The following CNTNAP2 variants were observed in gnomAD, a reference collection of about 807,000 sequenced individuals.
CNTNAP2 encodes the protein contactin associated protein 2.
In CNTNAP2, 98 loss-of-function variants were observed where a neutral mutation model predicts 155.2. That is an observed-to-expected ratio of 0.63 (90% CI 0.54 to 0.75). The LOEUF is 0.75. Among genes scored for constraint, CNTNAP2 ranks in the 30% least tolerant of loss-of-function variants. The pLI is 0.00. For missense variants in CNTNAP2, 1,727 were observed against 1,688.1 expected (o/e 1.02, Z -0.40); for synonymous variants, 651 against 631.2 (o/e 1.03, Z -0.47).
chr7:146,632,000 T>C (rs1051695769), intron 1 of CNTNAP2, among the ~76,000 whole-genome samples: 19 of 152,196 alleles, frequency 1.2e-4, no homozygotes, highest in Admixed American at 5.9e-4. Context: ...CAACCATTCA[T>C]ATGATGTAAT....
intron 13 of CNTNAP2, among the ~76,000 whole-genome samples, chr7:147,685,911 G>A (rs1382492415): frequency 1.3e-5 from 2 of 151,930 alleles, no homozygotes; most frequent in Non-Finnish European, 2.9e-5. Flanking sequence ...GGAAGAGCAC[G>A]GAGGACCATG....
At chr7:147,178,499 A>T (rs1326406754) in intron 8 of CNTNAP2, among the ~76,000 whole-genome samples, 7 of 152,176 alleles carry the variant, frequency 4.6e-5, no homozygotes, top group Admixed American at 4.6e-4. Flanking sequence ...AAGATAATGA[A>T]TGTGTGTTGT....
intron 14 of CNTNAP2, among the ~76,000 whole-genome samples, chr7:147,927,553 G>A (rs1345727067): frequency 6.6e-6 from 1 of 152,088 alleles, no homozygotes; most frequent in Admixed American, 6.5e-5. Context: ...AGAATTGGTA[G>A]GCATAGGCTA....
At chr7:146,208,970 A>AG (rs1412224139) in intron 1 of CNTNAP2, among the ~76,000 whole-genome samples, 1 of 151,938 alleles carries the variant, frequency 6.6e-6, no homozygotes, top group Non-Finnish European at 1.5e-5. Flanking sequence ...TAAAAAAAAA[A>AG]GTAACCTATA....
At chr7:146,484,880 T>A (rs973846938) in intron 1 of CNTNAP2, among the ~76,000 whole-genome samples, 18 of 152,322 alleles carry the variant, frequency 1.2e-4, no homozygotes, top group East Asian at 3.9e-4. Flanking sequence ...GTATAGTTTT[T>A]AAAATATAGT....
At chr7:148,027,874 T>C (rs1033938015) in intron 15 of CNTNAP2, among the ~76,000 whole-genome samples, 1 of 152,188 alleles carries the variant, frequency 6.6e-6, no homozygotes, top group Non-Finnish European at 1.5e-5. Flanking sequence ...TCTCAATTTC[T>C]GAAACTCTTG....
chr7:147,111,803 G>A (rs1056414434), intron 5 of CNTNAP2, among the ~76,000 whole-genome samples: 1 of 152,120 alleles, frequency 6.6e-6, no homozygotes, highest in African/African-American at 2.4e-5. Flanking sequence ...GTAGTGTGAT[G>A]CCTCCAGCTT....
intron 9 of CNTNAP2, among the ~76,000 whole-genome samples, chr7:147,330,492 C>A (rs1344391487): frequency 6.6e-6 from 1 of 152,082 alleles, no homozygotes; most frequent in African/African-American, 2.4e-5. Flanking sequence ...TGGTCTGAAG[C>A]ATTGATGGGT....
At chr7:146,222,522 T>G (rs1211757960) in intron 1 of CNTNAP2, among the ~76,000 whole-genome samples, 1 of 149,670 alleles carries the variant, frequency 6.7e-6, no homozygotes, top group Non-Finnish European at 1.5e-5. Flanking sequence ...ATTCAGTTAG[T>G]TTGGTATGAC....
chr7:147,293,324 A>G (rs2116753489), intron 8 of CNTNAP2, among the ~76,000 whole-genome samples: 1 of 152,310 alleles, frequency 6.6e-6, no homozygotes, highest in East Asian at 1.9e-4. Flanking sequence ...AATGTGGTTT[A>G]GATTGGCATG....
chr7:146,926,720 A>C (rs1333843288), intron 3 of CNTNAP2, among the ~76,000 whole-genome samples: 1 of 152,158 alleles, frequency 6.6e-6, no homozygotes, highest in African/African-American at 2.4e-5. Context: ...AAAGTCTATG[A>C]ATTAAATTTC....
chr7:147,277,357 G>C (rs780804158), intron 8 of CNTNAP2, among the ~76,000 whole-genome samples: 1 of 151,854 alleles, frequency 6.6e-6, no homozygotes, highest in Non-Finnish European at 1.5e-5. Context: ...TTCAGAAAAG[G>C]AGTAGAAGCC....
intron 11 of CNTNAP2, among the ~76,000 whole-genome samples, chr7:147,557,190 G>A (rs1799968413): frequency 2.0e-5 from 3 of 151,948 alleles, no homozygotes; most frequent in Admixed American, 2.0e-4. Flanking sequence ...CTTGAACCCG[G>A]GAGGCAAAGA....
intron 9 of CNTNAP2, among the ~76,000 whole-genome samples, chr7:147,317,786 G>T (rs897192655): frequency 7.9e-5 from 7 of 88,200 alleles, no homozygotes; most frequent in Non-Finnish European, 1.2e-4. Flanking sequence ...ATGTGTGTGT[G>T]TGTGTGTGTG....
At chr7:148,093,240 A>G (rs1412257807) in intron 15 of CNTNAP2, among the ~76,000 whole-genome samples, 1 of 152,140 alleles carries the variant, frequency 6.6e-6, no homozygotes, top group Non-Finnish European at 1.5e-5. Flanking sequence ...AAAAATAATA[A>G]TAAATAGAGC....
At chr7:146,413,195 TGAGA>T (rs1795890918) in intron 1 of CNTNAP2, among the ~76,000 whole-genome samples, 1 of 152,144 alleles carries the variant, frequency 6.6e-6, no homozygotes, top group Non-Finnish European at 1.5e-5. Context: ...GCTTAACACA[TGAGA>T]AAGATGCAGG....
chr7:146,936,509 A>G (rs1035203191), intron 3 of CNTNAP2, among the ~76,000 whole-genome samples: 2 of 152,202 alleles, frequency 1.3e-5, no homozygotes, highest in Non-Finnish European at 2.9e-5. Context: ...AGTTTTGGCC[A>G]ATCTCTCAAA....
At chr7:147,400,756 C>A (rs188577505) in intron 10 of CNTNAP2, among the ~76,000 whole-genome samples, 1 of 152,156 alleles carries the variant, frequency 6.6e-6, no homozygotes, top group African/African-American at 2.4e-5. Context: ...CTCCACCATC[C>A]TTGGTAAAAT....
At chr7:146,495,884 T>G (rs1290936031) in intron 1 of CNTNAP2, among the ~76,000 whole-genome samples, 1 of 152,046 alleles carries the variant, frequency 6.6e-6, no homozygotes, top group Non-Finnish European at 1.5e-5. Context: ...AAAATTCACC[T>G]TGCCAGAATT....
Sources: allele counts gnomAD v4.1 joint callset (sites outside exome capture counted in the v4.1 genomes callset), GRCh38; gene constraint gnomAD v4.1.1; transcripts MANE v1.5; gene names NCBI Gene and HGNC (gene_info 2026-07-23, HGNC 2026-07-21).